The following IGF2BP1 variants were observed in gnomAD, a reference collection of about 807,000 sequenced individuals.
The protein encoded by IGF2BP1 is insulin like growth factor 2 mRNA binding protein 1, also known as insulin-like growth factor 2 mRNA-binding protein 1.
Under a neutral mutation model 74.9 loss-of-function variants are expected in IGF2BP1, and 11 were observed. The observed-to-expected ratio is 0.15, with a 90% CI of 0.09 to 0.24. IGF2BP1 has a LOEUF of 0.24. Among genes scored for constraint, IGF2BP1 ranks in the 10% least tolerant of loss-of-function variants. The pLI is 1.00. For missense variants in IGF2BP1, 440 were observed against 757.4 expected (o/e 0.58, Z 4.92); for synonymous variants, 287 against 281.8 (o/e 1.02, Z -0.18).
At chr17:49,003,634 T>A (rs2041510424) in intron 2 of IGF2BP1, among the ~76,000 whole-genome samples, 1 of 152,078 alleles carries the variant, frequency 6.6e-6, no homozygotes, top group Admixed American at 6.6e-5. Flanking sequence ...CTTAAAAGAT[T>A]CTTGAAATGT....
chr17:49,045,820 C>T, intron 12 of IGF2BP1, 70 bp from the exon 13 acceptor site: 1 of 1,537,614 alleles, frequency 6.5e-7, no homozygotes, highest in South Asian at 1.2e-5. Flanking sequence ...GCTGGAGCTT[C>T]CTTTTTCCCA....
At chr17:49,033,530 A>T (rs2041948184) in intron 5 of IGF2BP1, among the ~76,000 whole-genome samples, 1 of 151,810 alleles carries the variant, frequency 6.6e-6, no homozygotes, top group Non-Finnish European at 1.5e-5. Context: ...TTTAGTAGAG[A>T]TGGGGTCTCA....
At chr17:49,029,438 G>A (rs1054495569) in intron 4 of IGF2BP1, among the ~76,000 whole-genome samples, 6 of 152,132 alleles carry the variant, frequency 3.9e-5, no homozygotes, top group African/African-American at 9.7e-5. Flanking sequence ...CTCTGATTAC[G>A]CCACTGTACT....
rs1488747663 is a variant in IGF2BP1, at chr17:49,052,150, C to T, written c.*2706C>T. ...CCCAAATTGAATAGAAGCAGAAAAA[C>T]ATTTAGGGATAACATCAGGCCAGTA... On this transcript the variant is annotated 3_prime_UTR_variant, in exon 15 of 15. Coordinates refer to ENST00000290341, the MANE Select transcript of IGF2BP1 (RefSeq NM_006546.4). The T allele has an allele frequency of 6.6e-6, 1 of 152,190 alleles. No homozygotes were observed. The highest frequency in any genetic ancestry group is 1.5e-5 in the Non-Finnish European group (1 of 68,048). The allele number at this position is 152,190 out of a possible 1,614,324, so 9.4% of individuals were successfully genotyped here.
At chr17:49,041,801 A>T (rs1444439685) in intron 8 of IGF2BP1, among the ~76,000 whole-genome samples, 1 of 152,120 alleles carries the variant, frequency 6.6e-6, no homozygotes, top group South Asian at 2.1e-4. Context: ...GGAGCCAGGG[A>T]TTCAGGGCTT....
intron 2 of IGF2BP1, chr17:49,015,040 T>G (rs1775062165): frequency 1.6e-6 from 1 of 635,930 alleles, no homozygotes; most frequent in Non-Finnish European, 2.0e-6. Flanking sequence ...GCGTGTGTCC[T>G]GTCGCCCAGG....
chr17:49,005,250 T>G (rs369290272), intron 2 of IGF2BP1, among the ~76,000 whole-genome samples: 1 of 152,208 alleles, frequency 6.6e-6, no homozygotes, highest in South Asian at 2.1e-4. Context: ...CCTCATACTT[T>G]TAATACAGTT....
Position 49,056,140 on chromosome 17 carries a change from A to C in IGF2BP1, c.*6696A>C, listed in dbSNP as rs2042228231. Among the ~76,000 whole-genome samples, 1 of 152,168 alleles carries C rather than the reference A, an allele frequency of 6.6e-6. No individual in the cohort carries two copies. Among genetic ancestry groups the C allele is most frequent in the Admixed American group, 6.5e-5 (1 of 15,278 alleles). ...AAAATAAAAGGAAACTTATATTGAA[A>C]GACAAGTATGTCTGTGTCTCAGGGT... On this transcript the variant is annotated 3_prime_UTR_variant, in exon 15 of 15. Coordinates refer to ENST00000290341, the MANE Select transcript of IGF2BP1 (RefSeq NM_006546.4).
rs1042709911 is a variant in IGF2BP1, at chr17:49,026,396, T to C, written c.286-70T>C. On this transcript the variant is annotated intron_variant, in intron 3 of 14. Transcript: ENST00000290341. ...TGCCCGATTGCTTTGGGATGCAGGG[T>C]GTCCAGTGGCTGCTTTGCAAGGGTC... 15 of 1,349,924 alleles carry C rather than the reference T, an allele frequency of 1.1e-5. No individual in the cohort carries two copies. In the African/African-American group the frequency reaches 1.9e-4, roughly 17 times the overall value. 83.6% of individuals were successfully genotyped at this position (1,349,924 alleles called of 1,614,324 possible).
At chr17:49,012,507 G>A (rs1021893869) in intron 2 of IGF2BP1, 2 of 152,076 alleles carry the variant, frequency 1.3e-5, no homozygotes, top group Admixed American at 1.3e-4. Flanking sequence ...AATTCTAGGA[G>A]TCTCCATCCT....
chr17:49,022,806 G>A (rs972930239), intron 2 of IGF2BP1, among the ~76,000 whole-genome samples: 7 of 152,176 alleles, frequency 4.6e-5, no homozygotes, highest in African/African-American at 2.4e-5. Context: ...ACCTTAGATT[G>A]TACTAAGGGA....
intron 2 of IGF2BP1, among the ~76,000 whole-genome samples, chr17:49,000,586 T>C (rs950717541): frequency 3.3e-5 from 5 of 152,222 alleles, no homozygotes; most frequent in Middle Eastern, 3.2e-3. Context: ...GAACATACAC[T>C]GACACCAGCA....
At chr17:49,012,235 A>C (rs1335072717) in intron 2 of IGF2BP1, among the ~76,000 whole-genome samples, 1 of 152,290 alleles carries the variant, frequency 6.6e-6, no homozygotes, top group South Asian at 2.1e-4. Context: ...GATGGGTCCA[A>C]ATTTTCTCCC....
At chr17:49,038,702 A>C (rs537074067) in intron 6 of IGF2BP1, among the ~76,000 whole-genome samples, 1 of 152,064 alleles carries the variant, frequency 6.6e-6, no homozygotes, top group South Asian at 2.1e-4. Context: ...TCTCATGTGA[A>C]GTTTCATAAA....
chr17:49,008,934 C>A (rs1320857072), intron 2 of IGF2BP1, among the ~76,000 whole-genome samples: 2 of 151,940 alleles, frequency 1.3e-5, no homozygotes, highest in African/African-American at 4.8e-5. Flanking sequence ...TCTACTATTG[C>A]ATGATATGCC....
chr17:49,043,542 T>C lies in IGF2BP1; in HGVS notation c.1192T>C (p.Ser398Pro). 6.2e-7 allele frequency: 1 copy of C among 1,613,948 alleles called. No homozygotes were observed. The highest frequency in any genetic ancestry group is 8.5e-7 in the Non-Finnish European group (1 of 1,179,894). ...CGTTACTGGGGCTGCTCCCTATAGCTCCTTTATGGTAGGTGGAAGATCTTA... is the reference window on the plus strand; with the variant it reads ...CGTTACTGGGGCTGCTCCCTATAGCCCCTTTATGGTAGGTGGAAGATCTTA... Reference protein sequence around the residue: ...SSVTGAAPYSSFMQAPEQEMV... With the variant: ...SSVTGAAPYSPFMQAPEQEMV... Residue 398 changes from serine to proline, a missense_variant, in exon 10 of 15, where the codon TCC becomes CCC. By Grantham distance (74) the Ser-to-Pro change is moderately conservative (BLOSUM62 -1). Transcript: ENST00000290341.
At chr17:49,005,529 G>C (rs977840242) in intron 2 of IGF2BP1, among the ~76,000 whole-genome samples, 1 of 152,176 alleles carries the variant, frequency 6.6e-6, no homozygotes, top group African/African-American at 2.4e-5. Flanking sequence ...GTAAGGGATG[G>C]TGTCTGATAT....
chr17:49,021,721 A>G (rs1192683642), intron 2 of IGF2BP1, among the ~76,000 whole-genome samples: 3 of 152,226 alleles, frequency 2.0e-5, no homozygotes, highest in Non-Finnish European at 2.9e-5. Context: ...TAATGAACTC[A>G]GAGTTCACCT....
chr17:49,010,218 C>T (rs2041599847), intron 2 of IGF2BP1, among the ~76,000 whole-genome samples: 1 of 152,148 alleles, frequency 6.6e-6, no homozygotes. Flanking sequence ...TTCCTCCTTC[C>T]CTCTGGTCAT....
Sources: gnomAD v4.1 joint callset for allele counts (sites outside exome capture counted in the v4.1 genomes callset) on GRCh38, gnomAD v4.1.1 for gene constraint, MANE v1.5 for transcripts, NCBI Gene and HGNC (gene_info 2026-07-23, HGNC 2026-07-21) for gene names.